The following ZNHIT6 variants were observed in gnomAD, a reference collection of about 807,000 sequenced individuals.
ZNHIT6 encodes zinc finger HIT-type containing 6.
Under a neutral mutation model 57.2 loss-of-function variants are expected in ZNHIT6, and 45 were observed. The observed-to-expected ratio is 0.79, with a 90% CI of 0.62 to 1.01. The LOEUF (loss-of-function observed/expected upper bound fraction) is 1.01, where lower values mean the gene tolerates loss of function less well. ZNHIT6 is among the 50% of genes least tolerant of loss of function. The pLI, the probability that ZNHIT6 is intolerant of heterozygous loss-of-function variation, is 0.00. For missense variants in ZNHIT6, 528 were observed against 567.3 expected (o/e 0.93, Z 0.70); for synonymous variants, 188 against 190.0 (o/e 0.99, Z 0.09).
chr1:85,688,142 T>G (rs1662118647), intron 5 of ZNHIT6, among the ~76,000 whole-genome samples: 1 of 152,218 alleles, frequency 6.6e-6, no homozygotes. Context: ...AACAATAGTT[T>G]GTTTTAAAAG....
At chr1:85,667,961 A>AAAAAAAAAAAAAAAAAAAAAAT in intron 8 of ZNHIT6, among the ~76,000 whole-genome samples, 1 of 18,200 alleles carries the variant, frequency 5.5e-5, no homozygotes, top group African/African-American at 2.1e-4. Context: ...AAAAAAAAAA[A>AAAAAAAAAAAAAAAAAAAAAAT]ATATATATAT....
At chr1:85,693,015 GAC>G (rs199765734) in intron 5 of ZNHIT6, among the ~76,000 whole-genome samples, 2,539 of 152,224 alleles carry the variant, frequency 0.017, 35 homozygotes, top group Admixed American at 0.032. Flanking sequence ...GTAAAAGACA[GAC>G]ACACAAACAC....
chr1:85,675,529 A>G (rs1449123218), intron 8 of ZNHIT6, among the ~76,000 whole-genome samples: 2 of 152,170 alleles, frequency 1.3e-5, no homozygotes, highest in Admixed American at 6.5e-5. Context: ...TAGATTTAGC[A>G]TAATTCTTAA....
At chr1:85,696,915 C>G (rs1662388402) in intron 5 of ZNHIT6, among the ~76,000 whole-genome samples, 1 of 142,414 alleles carries the variant, frequency 7.0e-6, no homozygotes, top group African/African-American at 2.6e-5. Flanking sequence ...TGCTGGAGTG[C>G]AGTGGCGCAA....
intron 7 of ZNHIT6, 84 bp from the exon 8 acceptor site, chr1:85,677,397 T>C: frequency 1.0e-6 from 1 of 976,584 alleles, no homozygotes; most frequent in South Asian, 2.3e-5. Flanking sequence ...CATTTGTACC[T>C]AATAATACTT....
intron 8 of ZNHIT6, 37 bp downstream of exon 8, chr1:85,677,199 A>G (rs373974674): frequency 1.5e-3 from 2,328 of 1,512,800 alleles, no homozygotes; most frequent in Non-Finnish European, 2.0e-3. Context: ...ACAGAACTAA[A>G]AAATATTTAA....
rs1448413238 is a variant in ZNHIT6, at chr1:85,651,872, C to G, written c.*2186G>C. 1 of 152,104 alleles carries G rather than the reference C, an allele frequency of 6.6e-6. No homozygotes were observed. Among genetic ancestry groups the G allele is most frequent in the Non-Finnish European group, 1.5e-5 (1 of 68,020 alleles). The allele number at this position is 152,104 out of a possible 1,614,324, so 9.4% of individuals were successfully genotyped here. On this transcript the variant is annotated 3_prime_UTR_variant, in exon 10 of 10. Transcript: ENST00000370574. ...TTATTCCAATTTCATTCTCTCCAAG[C>G]CATTGGTAATTCACTAAAACACACG...
chr1:85,687,308 A>AAAAAAAAAAAAAC (rs1662088814), intron 5 of ZNHIT6, among the ~76,000 whole-genome samples: 1 of 145,142 alleles, frequency 6.9e-6, no homozygotes, highest in African/African-American at 2.5e-5. Context: ...ACAAAAAAAA[A>AAAAAAAAAAAAAC]AAACAATTTA....
intron 5 of ZNHIT6, among the ~76,000 whole-genome samples, chr1:85,685,022 T>C (rs1661988017): frequency 6.6e-6 from 1 of 152,194 alleles, no homozygotes; most frequent in Non-Finnish European, 1.5e-5. Context: ...TAGAAATGTT[T>C]TTTAAATTAG....
intron 5 of ZNHIT6, among the ~76,000 whole-genome samples, chr1:85,685,047 T>C (rs1285754849): frequency 6.6e-6 from 1 of 152,160 alleles, no homozygotes; most frequent in African/African-American, 2.4e-5. Flanking sequence ...ACTAAGGAAG[T>C]GTGGCAAAAG....
intron 8 of ZNHIT6, among the ~76,000 whole-genome samples, chr1:85,672,427 C>T (rs964247884): frequency 6.6e-6 from 1 of 152,164 alleles, no homozygotes; most frequent in African/African-American, 2.4e-5. Flanking sequence ...TACATCTATA[C>T]ACTCCAACCT....
intron 8 of ZNHIT6, among the ~76,000 whole-genome samples, chr1:85,668,055 ACC>A: frequency 6.9e-6 from 1 of 145,162 alleles, no homozygotes; most frequent in African/African-American, 2.5e-5. Flanking sequence ...AGAATTTTAT[ACC>A]AAGTAGTATG....
intron 5 of ZNHIT6, among the ~76,000 whole-genome samples, chr1:85,682,758 C>T (rs1202975521): frequency 1.3e-5 from 2 of 152,182 alleles, no homozygotes; most frequent in African/African-American, 4.8e-5. Flanking sequence ...ATGTAAAGAA[C>T]ACTCAATGCA....
At chr1:85,661,443 T>C (rs536773462) in intron 8 of ZNHIT6, among the ~76,000 whole-genome samples, 4 of 152,372 alleles carry the variant, frequency 2.6e-5, no homozygotes, top group African/African-American at 9.6e-5. Flanking sequence ...GTGTTTGTTT[T>C]ATATTTTTAT....
chr1:85,681,761 C>G (rs1661881116), intron 5 of ZNHIT6, among the ~76,000 whole-genome samples: 1 of 152,012 alleles, frequency 6.6e-6, no homozygotes, highest in African/African-American at 2.4e-5. Flanking sequence ...TGTCAGAAGA[C>G]AAAGAACATA....
chr1:85,675,973 C>A (rs559327163), intron 8 of ZNHIT6, among the ~76,000 whole-genome samples: 22 of 152,296 alleles, frequency 1.4e-4, no homozygotes, highest in African/African-American at 5.3e-4. Flanking sequence ...TAGGCTTTGG[C>A]TTAAGGGAAT....
chr1:85,704,410 C>A (rs1662621032), intron 4 of ZNHIT6, among the ~76,000 whole-genome samples: 1 of 151,788 alleles, frequency 6.6e-6, no homozygotes, highest in African/African-American at 2.4e-5. Flanking sequence ...GTGGTACAGT[C>A]CTAAGATAGA....
intron 8 of ZNHIT6, among the ~76,000 whole-genome samples, chr1:85,658,299 G>A (rs1319378377): frequency 6.6e-6 from 1 of 152,066 alleles, no homozygotes; most frequent in African/African-American, 2.4e-5. Context: ...CACAATCTCG[G>A]CTCACTGCAA....
At position 85,702,255 on chromosome 1, in the gene ZNHIT6, G is replaced by C; in HGVS notation, c.921C>G (p.Tyr307Ter). Reference protein sequence around the residue: ...LKRPISNKYMYFMKNRARRQG... With the variant: ...LKRPISNKYM ...GCCTCCGGGCACGATTTTTCATAAA[G>C]TACATCTAACAACAAAAACCAAACA... Residue 307 changes from tyrosine (Y) to a stop codon, truncating the protein, a stop_gained, in exon 5 of 10, where the codon TAC (tyrosine) becomes TAG (stop). Transcript: ENST00000370574. LOFTEE classifies it high-confidence loss of function. The C allele has an allele frequency of 6.3e-7, 1 of 1,583,550 alleles. No homozygotes were observed.
Sources: gnomAD v4.1 joint callset for allele counts (sites outside exome capture counted in the v4.1 genomes callset) on GRCh38, gnomAD v4.1.1 for gene constraint, MANE v1.5 for transcripts, NCBI Gene and HGNC (gene_info 2026-07-23, HGNC 2026-07-21) for gene names.